Variants in DCC observed in about 807,000 individuals in gnomAD.
DCC encodes DCC netrin 1 receptor, also known as netrin receptor DCC.
DCC carries 58 observed loss-of-function variants against 172.5 expected under a neutral mutation model. The observed-to-expected ratio is 0.34, with a 90% CI of 0.27 to 0.42. The LOEUF (loss-of-function observed/expected upper bound fraction) is 0.42. Among genes scored for constraint, DCC ranks in the 10% least tolerant of loss-of-function variants. DCC has a pLI of 1.00. For synonymous variants in DCC, 709 were observed against 644.5 expected, an observed-to-expected ratio of 1.10 and a Z score of -1.52; for missense variants, 1,740 against 1,791.0, an observed-to-expected ratio of 0.97 and a Z score of 0.51.
chr18:53,175,352 A>G (rs1392471825), intron 8 of DCC, among the ~76,000 whole-genome samples: 1 of 152,086 alleles, frequency 6.6e-6, no homozygotes, highest in Non-Finnish European at 1.5e-5. Flanking sequence ...GAAGGAAATA[A>G]AAGGTATTCA....
intron 7 of DCC, among the ~76,000 whole-genome samples, chr18:53,100,990 C>G (rs1164791806): frequency 6.6e-6 from 1 of 152,066 alleles, no homozygotes; most frequent in Non-Finnish European, 1.5e-5. Flanking sequence ...GACATGCACC[C>G]TTTAATCCTG....
At chr18:53,400,398 C>T (rs1041801823) in intron 18 of DCC, among the ~76,000 whole-genome samples, 1 of 152,040 alleles carries the variant, frequency 6.6e-6, no homozygotes, top group Non-Finnish European at 1.5e-5. Flanking sequence ...GAATGAAGTA[C>T]ATAAAATAAA....
chr18:53,520,102 G>A (rs536301024), intron 27 of DCC, among the ~76,000 whole-genome samples: 31 of 152,168 alleles, frequency 2.0e-4, no homozygotes, highest in African/African-American at 6.7e-4. Flanking sequence ...TGAAAGCAGT[G>A]TAGAAAAAAA....
At chr18:52,654,777 A>G (rs1054275470) in intron 1 of DCC, among the ~76,000 whole-genome samples, 3 of 152,112 alleles carry the variant, frequency 2.0e-5, no homozygotes, top group African/African-American at 7.2e-5. Flanking sequence ...TCTTCCCTGT[A>G]GGGTTAAATT....
intron 5 of DCC, among the ~76,000 whole-genome samples, chr18:53,028,805 C>A (rs920127271): frequency 2.6e-5 from 4 of 152,098 alleles, no homozygotes; most frequent in Non-Finnish European, 5.9e-5. Context: ...CAACGTATGA[C>A]CATGAAGGAA....
chr18:53,118,510 A>G (rs1251779255), intron 7 of DCC, among the ~76,000 whole-genome samples: 1 of 151,758 alleles, frequency 6.6e-6, no homozygotes, highest in Non-Finnish European at 1.5e-5. Context: ...GCATATTGTT[A>G]AATTTCCAAC....
chr18:52,936,503 A>G (rs73458985), intron 5 of DCC, among the ~76,000 whole-genome samples: 13,327 of 121,148 alleles, frequency 0.11, 3,966 homozygotes, highest in South Asian at 0.21. Context: ...TGCTTTGCAT[A>G]TATTATTGAG....
At chr18:52,648,006 C>T (rs2035051734) in intron 1 of DCC, among the ~76,000 whole-genome samples, 1 of 152,148 alleles carries the variant, frequency 6.6e-6, no homozygotes. Flanking sequence ...TATGGATGTG[C>T]TGGCCCTTAG....
intron 1 of DCC, among the ~76,000 whole-genome samples, chr18:52,534,569 C>G (rs2032237469): frequency 6.6e-6 from 1 of 152,094 alleles, no homozygotes; most frequent in Non-Finnish European, 1.5e-5. Flanking sequence ...TACTGAGAGT[C>G]TAATGTACAT....
intron 2 of DCC, among the ~76,000 whole-genome samples, chr18:52,897,200 T>A (rs1458029281): frequency 6.6e-6 from 1 of 152,158 alleles, no homozygotes; most frequent in Non-Finnish European, 1.5e-5. Context: ...TCTGGAACAG[T>A]ACCAACACTA....
chr18:53,525,607 T>G (rs1305981308), intron 27 of DCC, among the ~76,000 whole-genome samples: 1 of 152,112 alleles, frequency 6.6e-6, no homozygotes, highest in Non-Finnish European at 1.5e-5. Flanking sequence ...CCTATTTATC[T>G]GATTGTAGAG....
At chr18:53,048,316 G>A (rs995737992) in intron 5 of DCC, among the ~76,000 whole-genome samples, 16 of 151,520 alleles carry the variant, frequency 1.1e-4, no homozygotes, top group South Asian at 4.2e-4. Context: ...CTGTGGTTCC[G>A]TTTTTTCTGT....
At chr18:53,129,706 T>C (rs886656051) in intron 7 of DCC, among the ~76,000 whole-genome samples, 1 of 152,158 alleles carries the variant, frequency 6.6e-6, no homozygotes, top group African/African-American at 2.4e-5. Context: ...CATAGGCAAG[T>C]CCTAATGTAT....
At chr18:52,937,835 C>CT (rs35513969) in intron 5 of DCC, among the ~76,000 whole-genome samples, 36,662 of 151,658 alleles carry the variant, frequency 0.24, 4,646 homozygotes, top group Admixed American at 0.31. Flanking sequence ...CCACTTGTGA[C>CT]TTTTTTTACT....
chr18:52,374,055 A>G (rs1394314532), intron 1 of DCC, among the ~76,000 whole-genome samples: 1 of 148,070 alleles, frequency 6.8e-6, no homozygotes, highest in Non-Finnish European at 1.5e-5. Context: ...CCACGCCTGG[A>G]TTTTTTTTTT....
At chr18:52,634,595 G>T (rs1455865967) in intron 1 of DCC, among the ~76,000 whole-genome samples, 1 of 152,082 alleles carries the variant, frequency 6.6e-6, no homozygotes, top group Non-Finnish European at 1.5e-5. Context: ...TAAATACATT[G>T]GTGTTTCCTT....
chr18:52,934,664 C>G (rs958214440), intron 5 of DCC: 2 of 152,048 alleles, frequency 1.3e-5, no homozygotes, highest in Non-Finnish European at 2.9e-5. Flanking sequence ...AATCCTAACC[C>G]CCAATGTGAC....
In DCC at chr18:52,797,105, G is replaced by A. The variant is rs927477628; in HGVS notation, c.412+44731G>A. Among the ~76,000 whole-genome samples, 3 of 151,436 alleles carry A rather than the reference G, an allele frequency of 2.0e-5. No homozygotes were observed. In the South Asian group the frequency reaches 6.3e-4, roughly 32 times the overall value. ...TATTTCTTTGATTTCTTCAGTTCTA[G>A]GACTTTTGGTGCTCTTAACATATCT... On this transcript the variant is annotated intron_variant, in intron 2 of 28. Coordinates refer to ENST00000442544, the MANE Select transcript of DCC (RefSeq NM_005215.4).
intron 15 of DCC, among the ~76,000 whole-genome samples, chr18:53,379,690 C>T (rs1003574372): frequency 2.0e-5 from 3 of 152,168 alleles, no homozygotes; most frequent in African/African-American, 7.2e-5. Context: ...CCTTTCCTGG[C>T]CACAGAGAAT....
Sources: allele counts gnomAD v4.1 joint callset (sites outside exome capture counted in the v4.1 genomes callset), GRCh38; gene constraint gnomAD v4.1.1; transcripts MANE v1.5; gene names NCBI Gene and HGNC (gene_info 2026-07-23, HGNC 2026-07-21).